The following TFDP2 variants were observed in gnomAD, a reference collection of about 807,000 sequenced individuals.
TFDP2 encodes transcription factor Dp-2, also known as transcription factor Dp-2 (E2F dimerization partner 2).
In TFDP2, 17 loss-of-function variants were observed where a neutral mutation model predicts 59.3. The ratio of observed to expected loss-of-function variants is 0.29; its 90% confidence interval spans 0.20 to 0.43. The LOEUF (loss-of-function observed/expected upper bound fraction) is 0.43. TFDP2 is among the 20% of genes least tolerant of loss of function. The pLI is 1.00. For missense variants in TFDP2, 391 were observed against 528.8 expected (o/e 0.74, Z 2.56); for synonymous variants, 180 against 194.7 (o/e 0.92, Z 0.63).
At chr3:141,977,709 C>T (rs949998981) in intron 7 of TFDP2, among the ~76,000 whole-genome samples, 1 of 150,388 alleles carries the variant, frequency 6.6e-6, no homozygotes, top group Non-Finnish European at 1.5e-5. Context: ...GGATAGGCGA[C>T]CAATTTTTTT....
At chr3:142,023,122 C>CA (rs765096570) in intron 3 of TFDP2, among the ~76,000 whole-genome samples, 9,523 of 59,114 alleles carry the variant, frequency 0.16, 793 homozygotes, top group African/African-American at 0.29. Context: ...CCCTCCGTCT[C>CA]AAAAAAAAAA....
intron 10 of TFDP2, among the ~76,000 whole-genome samples, chr3:141,961,729 A>G (rs1361025227): frequency 6.6e-6 from 1 of 152,090 alleles, no homozygotes; most frequent in Non-Finnish European, 1.5e-5. Flanking sequence ...ATTTTTGTGG[A>G]GAAAGGAACA....
At chr3:142,072,033 G>A (rs2060266308) in intron 3 of TFDP2, among the ~76,000 whole-genome samples, 1 of 152,088 alleles carries the variant, frequency 6.6e-6, no homozygotes, top group Non-Finnish European at 1.5e-5. Flanking sequence ...AATACACAAG[G>A]TGAGAAGAAA....
intron 3 of TFDP2, among the ~76,000 whole-genome samples, chr3:142,016,218 G>A (rs1177687486): frequency 6.6e-6 from 1 of 151,082 alleles, no homozygotes; most frequent in Admixed American, 6.6e-5. Flanking sequence ...GGCCAGGCTG[G>A]TCTCAAACTC....
intron 3 of TFDP2, among the ~76,000 whole-genome samples, chr3:142,033,554 G>A (rs186297679): frequency 6.6e-6 from 1 of 152,244 alleles, no homozygotes; most frequent in East Asian, 1.9e-4. Flanking sequence ...GAGCTACGTG[G>A]CGAGGGATCT....
At chr3:141,960,549 C>A (rs1559921929) in intron 10 of TFDP2, among the ~76,000 whole-genome samples, 1 of 152,196 alleles carries the variant, frequency 6.6e-6, no homozygotes. Context: ...CTCAGCCCTG[C>A]AGGGACAGGG....
intron 3 of TFDP2, among the ~76,000 whole-genome samples, chr3:142,069,521 G>A (rs1479186066): frequency 1.3e-5 from 2 of 151,972 alleles, no homozygotes; most frequent in Non-Finnish European, 2.9e-5. Flanking sequence ...CATAAAGGCT[G>A]TACTAATTTA....
chr3:142,103,362 G>C (rs927680777), intron 1 of TFDP2, among the ~76,000 whole-genome samples: 12 of 151,808 alleles, frequency 7.9e-5, no homozygotes, highest in African/African-American at 2.7e-4. Context: ...ACCATTATTT[G>C]GGTAATTGGA....
chr3:141,963,727 A>G lies in TFDP2; in HGVS notation c.884+85T>C. ...CCAGCCTTTGAGGGGTGCAACTAAT[A>G]AAGTGCATCCTTCTTGAGTTTGCAA... is the stretch of plus-strand genomic sequence containing the variant. On this transcript the variant is annotated intron_variant, in intron 10 of 12. Transcript: ENST00000489671. The G allele has an allele frequency of 9.5e-6, 14 of 1,476,714 alleles. No individual in the cohort carries two copies. The South Asian group carries it at 1.9e-4, about 20-fold the overall frequency. 91.5% of individuals were successfully genotyped at this position (1,476,714 alleles called of 1,614,324 possible). A position where few individuals can be genotyped will look rare whatever the true frequency, so the allele number is the denominator to read the frequency against.
chr3:142,029,020 TA>T lies in TFDP2; in HGVS notation c.83-23477del, dbSNP rs1314899623. On this transcript the variant is annotated intron_variant, in intron 3 of 12. Transcript: ENST00000489671. ...AATATCACTTGCCTTTTAACTAACT[TA>T]AAAAATAAGATTAAACTTACTCGTG... is the stretch of plus-strand genomic sequence containing the variant. The T allele has an allele frequency of 5.9e-5, 9 of 152,704 alleles. No homozygotes were observed. The East Asian group carries it at 1.7e-3, about 29-fold the overall frequency. 9.5% of individuals were successfully genotyped at this position (152,704 alleles called of 1,614,324 possible).
chr3:141,957,428 C>G (rs1209919556), intron 11 of TFDP2, among the ~76,000 whole-genome samples: 1 of 152,160 alleles, frequency 6.6e-6, no homozygotes, highest in Non-Finnish European at 1.5e-5. Context: ...ATGTTAAACA[C>G]AGAGTTACCA....
At chr3:141,958,301 A>G (rs1001822495) in intron 11 of TFDP2, among the ~76,000 whole-genome samples, 6 of 152,232 alleles carry the variant, frequency 3.9e-5, no homozygotes, top group Non-Finnish European at 5.9e-5. Context: ...AATTTTACAC[A>G]GGAGTAAGAA....
At chr3:142,083,266 A>G (rs936144536) in intron 3 of TFDP2, among the ~76,000 whole-genome samples, 5 of 152,206 alleles carry the variant, frequency 3.3e-5, no homozygotes, top group African/African-American at 7.2e-5. Flanking sequence ...TATAGTAGAT[A>G]CAAATGAAAT....
At chr3:142,010,374 G>A (rs1944562351) in intron 3 of TFDP2, among the ~76,000 whole-genome samples, 1 of 152,190 alleles carries the variant, frequency 6.6e-6, no homozygotes, top group South Asian at 2.1e-4. Context: ...ACTTTGGGAG[G>A]CCAAGGTGGG....
intron 3 of TFDP2, among the ~76,000 whole-genome samples, chr3:142,012,000 T>C (rs1037060785): frequency 6.7e-6 from 1 of 149,652 alleles, no homozygotes; most frequent in African/African-American, 2.5e-5. Context: ...TACACTTTTT[T>C]TTCTTTCTTT....
chr3:142,093,848 T>C (rs2061079367), intron 2 of TFDP2: 5 of 363,754 alleles, frequency 1.4e-5, no homozygotes, highest in South Asian at 1.2e-4. Flanking sequence ...TGGAGGGTGA[T>C]ACCAGTACTT....
At chr3:142,014,242 A>G (rs150135507) in intron 3 of TFDP2, among the ~76,000 whole-genome samples, 2 of 152,284 alleles carry the variant, frequency 1.3e-5, no homozygotes, top group East Asian at 1.9e-4. Flanking sequence ...CTCCTGGCTC[A>G]AGTTATCCTC....
intron 3 of TFDP2, among the ~76,000 whole-genome samples, chr3:142,046,288 T>C (rs1183168396): frequency 6.6e-6 from 1 of 152,236 alleles, no homozygotes; most frequent in African/African-American, 2.4e-5. Context: ...GTGACTGGTT[T>C]ATTAAACTGT....
intron 3 of TFDP2, among the ~76,000 whole-genome samples, chr3:142,042,124 GTCTA>G (rs1204737421): frequency 2.6e-5 from 4 of 152,050 alleles, no homozygotes; most frequent in East Asian, 1.9e-4. Context: ...CAATTCCTGA[GTCTA>G]TCTTTTAAAC....
Sources: gnomAD v4.1 joint callset for allele counts (sites outside exome capture counted in the v4.1 genomes callset) on GRCh38, gnomAD v4.1.1 for gene constraint, MANE v1.5 for transcripts, NCBI Gene and HGNC (gene_info 2026-07-23, HGNC 2026-07-21) for gene names.